The following KRT80 variants were observed in gnomAD, a reference collection of about 807,000 sequenced individuals.
KRT80 encodes the protein keratin 80, also known as keratin, type II cytoskeletal 80.
KRT80 carries 36 observed loss-of-function variants against 51.5 expected under a neutral mutation model. The ratio of observed to expected loss-of-function variants is 0.70; its 90% CI spans 0.54 to 0.92. The LOEUF (loss-of-function observed/expected upper bound fraction) is 0.92, where lower values mean the gene tolerates loss of function less well. KRT80 is among the 40% of genes least tolerant of loss of function. KRT80 has a pLI of 0.00. For missense variants in KRT80, 566 were observed against 591.7 expected, an observed-to-expected ratio of 0.96 and a Z score of 0.45; for synonymous variants, 235 against 248.3, an observed-to-expected ratio of 0.95 and a Z score of 0.50.
intron 5 of KRT80, 23 bp downstream of exon 5, chr12:52,173,577 G>A (rs752713281): frequency 6.8e-6 from 11 of 1,609,400 alleles, no homozygotes; most frequent in Middle Eastern, 1.6e-4. Context: ...GCTGCTTCTC[G>A]TGCCCTGTGT....
intron 1 of KRT80, among the ~76,000 whole-genome samples, chr12:52,189,268 A>T (rs899716198): frequency 6.6e-6 from 1 of 150,658 alleles, no homozygotes; most frequent in African/African-American, 2.5e-5. Context: ...GAGTCCCTTC[A>T]CTCCTCTATC....
chr12:52,180,584 G>A lies in KRT80; in HGVS notation c.595C>T (p.Arg199Trp), dbSNP rs182555585. Residue 199 changes from arginine to tryptophan, a missense_variant, in exon 4 of 9, where the codon CGG becomes TGG. Physicochemically the swap from Arg to Trp is moderately radical, Grantham distance 101. Transcript: ENST00000394815. ...KKDLDAECLH[R>W]TELETKLKSL... is the part of the protein sequence containing the mutation. The stretch of plus-strand genomic sequence containing the variant: ...TTTAACTTGGTTTCCAGTTCAGTCC[G>A]ATGAAGACACTCTGCATCCAGGTCC... 6.0e-6 allele frequency: 9 copies of A among 1,504,256 alleles called. No individual in the cohort carries two copies. Among genetic ancestry groups the A allele is most frequent in the East Asian group, 2.3e-5 (1 of 43,100 alleles). 93.2% of individuals were successfully genotyped at this position (1,504,256 alleles called of 1,614,324 possible).
At chr12:52,171,555 G>A (rs987653379) in intron 8 of KRT80, 33 bp from the exon 9 acceptor site, 2 of 1,613,754 alleles carry the variant, frequency 1.2e-6, no homozygotes, top group Admixed American at 1.7e-5. Flanking sequence ...GGGAGGGAAG[G>A]GGCTGGAGGT....
At chr12:52,183,389 A>T (rs924365765) in intron 2 of KRT80, among the ~76,000 whole-genome samples, 1 of 152,178 alleles carries the variant, frequency 6.6e-6, no homozygotes, top group African/African-American at 2.4e-5. Flanking sequence ...GGCTGATCTC[A>T]TCGGCTCCGT....
At chr12:52,183,240 G>C (rs1363228709) in intron 2 of KRT80, among the ~76,000 whole-genome samples, 2 of 152,176 alleles carry the variant, frequency 1.3e-5, no homozygotes, top group African/African-American at 2.4e-5. Flanking sequence ...CCCCATAGAG[G>C]CTTAGGTCCC....
rs1941044011 is a variant in KRT80 at position 52,169,200 on chromosome 12, G to A, written c.*2198C>T. Reference sequence around the variant, plus strand: ...AAACAACCATATCTATGTGAATTGAGTGAGAACTCACTCATCACCAAGGAG... The same window carrying A: ...AAACAACCATATCTATGTGAATTGAATGAGAACTCACTCATCACCAAGGAG... On this transcript the variant is annotated 3_prime_UTR_variant, in exon 9 of 9. Transcript: ENST00000394815. 2 of 152,140 alleles carry A rather than the reference G, an allele frequency of 1.3e-5. No individual in the cohort carries two copies. Among genetic ancestry groups the A allele is most frequent in the South Asian group, 4.2e-4 (2 of 4,816 alleles). 9.4% of individuals were successfully genotyped at this position (152,140 alleles called of 1,614,324 possible).
In KRT80 at chr12:52,173,604, C is replaced by T; in HGVS notation, c.827G>A (p.Ser276Asn). 6.2e-7 allele frequency: 1 copy of T among 1,612,430 alleles called. No homozygotes were observed. The highest frequency in any genetic ancestry group is 8.5e-7 in the Non-Finnish European group (1 of 1,179,892). ...GCCCTGTGTGGTCAGCCCCACCTGG[C>T]TCCGAGAGTATGCCTCGGCCTCCTC... is the stretch of plus-strand genomic sequence containing the variant. Reference protein sequence around the residue: ...SLEEAEAYSRSQLEEQAARSA... With the variant: ...SLEEAEAYSRNQLEEQAARSA... The change falls in exon 5 of 9, where the codon AGC becomes AAC. Residue 276 changes from serine (S) to asparagine (N), a missense_variant. Coordinates refer to ENST00000394815, the MANE Select transcript of KRT80 (RefSeq NM_182507.3).
intron 2 of KRT80, among the ~76,000 whole-genome samples, chr12:52,184,568 T>C (rs1457162159): frequency 6.6e-6 from 1 of 152,236 alleles, no homozygotes; most frequent in African/African-American, 2.4e-5. Context: ...TCAGGTTAGA[T>C]ACCTACTTTA....
At chr12:52,174,728 C>T (rs530451485) in intron 4 of KRT80, among the ~76,000 whole-genome samples, 21 of 152,224 alleles carry the variant, frequency 1.4e-4, no homozygotes, top group Admixed American at 3.9e-4. Flanking sequence ...GCTCCCTTAG[C>T]GGATGGAGAC....
chr12:52,176,009 C>T (rs918134564), intron 4 of KRT80, among the ~76,000 whole-genome samples: 16 of 152,288 alleles, frequency 1.1e-4, no homozygotes, highest in South Asian at 8.3e-4. Flanking sequence ...TACAGGAGGG[C>T]CTAACTTGGC....
chr12:52,185,141 C>T (rs1042658033), intron 2 of KRT80, among the ~76,000 whole-genome samples: 2 of 152,194 alleles, frequency 1.3e-5, no homozygotes, highest in African/African-American at 4.8e-5. Flanking sequence ...TGGGAGCCAG[C>T]ACAAGATTGA....
chr12:52,174,841 G>T (rs1165861514), intron 4 of KRT80, among the ~76,000 whole-genome samples: 2 of 152,210 alleles, frequency 1.3e-5, no homozygotes, highest in Non-Finnish European at 2.9e-5. Context: ...GGGTGTGTAG[G>T]GAGGCAGGTG....
At chr12:52,172,161 T>G (rs577733165) in intron 7 of KRT80, 37 bp downstream of exon 7, 1 of 1,606,498 alleles carries the variant, frequency 6.2e-7, no homozygotes, top group Admixed American at 1.7e-5. Flanking sequence ...CAGCCCTCCT[T>G]CCCCTGCAGC....
rs377459676 is a variant in KRT80, at chr12:52,189,457, A to T, written c.300+2146T>A. Among the ~76,000 whole-genome samples, 69 of 152,368 alleles carry T rather than the reference A, an allele frequency of 4.5e-4. No individual in the cohort carries two copies. The South Asian group carries it at 0.012, about 27-fold the overall frequency. ...TCAAAAATTCTCCCATTTGATTCTA[A>T]TGAGCCTGCTAACCTAATGTGTGCT... On this transcript the variant is annotated intron_variant, in intron 1 of 8. Coordinates refer to ENST00000394815, the MANE Select transcript of KRT80 (RefSeq NM_182507.3).
chr12:52,174,072 G>A (rs956438821), intron 4 of KRT80, among the ~76,000 whole-genome samples: 20 of 152,344 alleles, frequency 1.3e-4, no homozygotes, highest in African/African-American at 4.8e-4. Context: ...GCCCTCTCCT[G>A]GGAGGGATGG....
intron 7 of KRT80, 99 bp downstream of exon 7, chr12:52,172,099 C>T (rs1009188786): frequency 2.1e-5 from 28 of 1,331,856 alleles, no homozygotes; most frequent in Non-Finnish European, 2.7e-5. Context: ...GCCTGGTAGG[C>T]TCACTGTATC....
chr12:52,186,161 C>G (rs1174627480), intron 1 of KRT80, among the ~76,000 whole-genome samples: 1 of 152,076 alleles, frequency 6.6e-6, no homozygotes, highest in Non-Finnish European at 1.5e-5. Context: ...CCGAGCTCAG[C>G]CTGGGGCTCT....
chr12:52,173,693 G>A lies in KRT80; in HGVS notation c.738C>T (p.Ile246=), dbSNP rs774368000. Residue 246 remains isoleucine, a synonymous_variant, in exon 5 of 9, where the codon ATC becomes ATT. Coordinates refer to ENST00000394815, the MANE Select transcript of KRT80 (RefSeq NM_182507.3). ...CCTCCTCCACGATGCCGCTCAGGTC[G>A]ATGTGGCAGCGGCTGTCCATGCCGA... ...VTVGMDSRCH[I]DLSGIVEEVK... is the part of the protein sequence containing the mutation. 1.2e-6 allele frequency: 2 copies of A among 1,612,672 alleles called. No individual in the cohort carries two copies. Among genetic ancestry groups the A allele is most frequent in the East Asian group, 2.2e-5 (1 of 44,896 alleles).
Position 52,181,722 on chromosome 12 carries a change from G to C in KRT80, c.510-759C>G, listed in dbSNP as rs183244748. Reference sequence around the variant, plus strand: ...CGCTCCCACCTTGGGTTTGGAACAAGGACACCGTTGGGTGGGGAGGACAGG... The same window carrying C: ...CGCTCCCACCTTGGGTTTGGAACAACGACACCGTTGGGTGGGGAGGACAGG... On this transcript the variant is annotated intron_variant, in intron 2 of 8. Transcript: ENST00000394815. Among the ~76,000 whole-genome samples, 301 of 152,324 alleles carry C rather than the reference G, an allele frequency of 2.0e-3. 2 individuals are homozygous for C. Among genetic ancestry groups the C allele is most frequent in the Admixed American group, 3.9e-3 (59 of 15,310 alleles).
Sources: gnomAD v4.1 joint callset for allele counts (sites outside exome capture counted in the v4.1 genomes callset) on GRCh38, gnomAD v4.1.1 for gene constraint, MANE v1.5 for transcripts, NCBI Gene and HGNC (gene_info 2026-07-23, HGNC 2026-07-21) for gene names.